RAB20: variants seen among roughly 807,000 people sequenced by gnomAD.
RAB20 encodes the protein ras-related protein Rab-20.
A neutral mutation model predicts 3.7 loss-of-function variants in RAB20; 2 were observed. That is an observed-to-expected ratio of 0.54 (90% CI 0.22 to 1.69). RAB20 has a LOEUF of 1.69. Among genes scored for constraint, RAB20 ranks in the 40% most tolerant of loss-of-function variants. The pLI, the probability that RAB20 is intolerant of heterozygous loss-of-function variation, is 0.19. For missense variants in RAB20, 276 were observed against 311.9 expected, an observed-to-expected ratio of 0.88 and a Z score of 0.87; for synonymous variants, 126 against 130.8, an observed-to-expected ratio of 0.96 and a Z score of 0.25.
At chr13:110,541,970 T>C (rs1371557732) in intron 1 of RAB20, among the ~76,000 whole-genome samples, 1 of 152,156 alleles carries the variant, frequency 6.6e-6, no homozygotes, top group East Asian at 1.9e-4. Flanking sequence ...ACGGAGACAG[T>C]AACCAGTGGC....
chr13:110,524,398 C>T (rs552120724), intron 1 of RAB20, among the ~76,000 whole-genome samples: 1 of 152,328 alleles, frequency 6.6e-6, no homozygotes, highest in African/African-American at 2.4e-5. Flanking sequence ...AGAAAACAAG[C>T]TGTTGGGTGC....
In RAB20 at chr13:110,532,148, C is replaced by A. The variant is rs2479430; in HGVS notation, c.173-7951G>T. 3.8e-3 allele frequency among the ~76,000 whole-genome samples: 585 copies of A among 152,292 alleles called. 3 individuals carry two copies. Among genetic ancestry groups the A allele is most frequent in the African/African-American group, 0.013 (554 of 41,546 alleles). On this transcript the variant is annotated intron_variant, in intron 1 of 1. Transcript: ENST00000267328. ...AAAAATACTGATGCTCAGACCCTGA[C>A]CCAGCTGCCAGGGCAAGAGTGGGGC...
At chr13:110,533,396 G>A (rs986902107) in intron 1 of RAB20, among the ~76,000 whole-genome samples, 23 of 152,244 alleles carry the variant, frequency 1.5e-4, no homozygotes, top group Non-Finnish European at 2.4e-4. Context: ...ATAATGGTGC[G>A]TGGAGGCCAG....
rs376621130 is a variant in RAB20, at chr13:110,525,133, C to T, written c.173-936G>A. 3.9e-4 allele frequency among the ~76,000 whole-genome samples: 60 copies of T among 152,350 alleles called. No homozygotes were observed. In the South Asian group the frequency reaches 0.012, roughly 32 times the overall value. On this transcript the variant is annotated intron_variant, in intron 1 of 1. Coordinates refer to ENST00000267328, the MANE Select transcript of RAB20 (RefSeq NM_017817.3). ...GTGTGGGCATCTGCTCTCCCCGTGCCCCCAGCACTTCAGCCTCACGAGGTC... is the reference window on the plus strand; with the variant it reads ...GTGTGGGCATCTGCTCTCCCCGTGCTCCCAGCACTTCAGCCTCACGAGGTC...
At chr13:110,558,033 C>T (rs1486910122) in intron 1 of RAB20, among the ~76,000 whole-genome samples, 3 of 152,260 alleles carry the variant, frequency 2.0e-5, no homozygotes, top group East Asian at 1.9e-4. Context: ...AGCGGCCAGC[C>T]GGCCTGCTCA....
intron 1 of RAB20, among the ~76,000 whole-genome samples, chr13:110,540,977 T>C (rs761119662): frequency 1.1e-4 from 16 of 152,274 alleles, no homozygotes; most frequent in Non-Finnish European, 1.9e-4. Context: ...GGGAGTTACC[T>C]GGCTGTTGGG....
chr13:110,533,901 G>A lies in RAB20; in HGVS notation c.173-9704C>T, dbSNP rs751190315. 8.7e-4 allele frequency among the ~76,000 whole-genome samples: 133 copies of A among 152,228 alleles called. 1 individual carries two copies. Among genetic ancestry groups the A allele is most frequent in the Non-Finnish European group, 2.5e-4 (17 of 68,036 alleles). Reference sequence around the variant, plus strand: ...ACACACCTGCCCCCACCAGTACGTGGAAAGTGGAGAGCTAGCAGGCAAGGG... The same window carrying A: ...ACACACCTGCCCCCACCAGTACGTGAAAAGTGGAGAGCTAGCAGGCAAGGG... On this transcript the variant is annotated intron_variant, in intron 1 of 1. Transcript: ENST00000267328.
In RAB20 at chr13:110,561,148, T is replaced by G. The variant is rs1282188811; in HGVS notation, c.172+200A>C. Among the ~76,000 whole-genome samples, 49 of 152,194 alleles carry G rather than the reference T, an allele frequency of 3.2e-4. 1 individual carries two copies. The highest frequency in any genetic ancestry group is 3.2e-3 in the Admixed American group (49 of 15,288). ...CCAGCGGGTTCTCTGCAACTTGGGTTGTCCCTGAGGTCACTGAGTGGCTGA... is the reference window on the plus strand; with the variant it reads ...CCAGCGGGTTCTCTGCAACTTGGGTGGTCCCTGAGGTCACTGAGTGGCTGA... On this transcript the variant is annotated intron_variant, in intron 1 of 1. Coordinates refer to ENST00000267328, the MANE Select transcript of RAB20 (RefSeq NM_017817.3).
chr13:110,554,869 C>T (rs762286937), intron 1 of RAB20, among the ~76,000 whole-genome samples: 17 of 152,254 alleles, frequency 1.1e-4, no homozygotes, highest in Non-Finnish European at 1.6e-4. Flanking sequence ...CCTTGCATTT[C>T]GGCTTGGGAG....
At chr13:110,546,937 G>A (rs1023724469) in intron 1 of RAB20, among the ~76,000 whole-genome samples, 4 of 151,960 alleles carry the variant, frequency 2.6e-5, no homozygotes, top group African/African-American at 9.7e-5. Context: ...ACAGGGTCTC[G>A]CTATGTTGCC....
At chr13:110,556,917 G>C (rs552878388) in intron 1 of RAB20, among the ~76,000 whole-genome samples, 1 of 152,344 alleles carries the variant, frequency 6.6e-6, no homozygotes, top group Non-Finnish European at 1.5e-5. Context: ...GAGAGAGGCT[G>C]TCACGAATAT....
chr13:110,560,951 A>G (rs1306133956), intron 1 of RAB20, among the ~76,000 whole-genome samples: 4 of 152,322 alleles, frequency 2.6e-5, no homozygotes, highest in Non-Finnish European at 5.9e-5. Flanking sequence ...GGGGCTAATA[A>G]CACCAGCTCT....
chr13:110,534,294 G>A (rs79775191), intron 1 of RAB20, among the ~76,000 whole-genome samples: 5,135 of 152,264 alleles, frequency 0.034, 176 homozygotes, highest in African/African-American at 0.08. Context: ...TGTTTCTCTG[G>A]GGAAGCCTGG....
At chr13:110,544,707 T>G (rs533128885) in intron 1 of RAB20, among the ~76,000 whole-genome samples, 9 of 152,256 alleles carry the variant, frequency 5.9e-5, no homozygotes. Flanking sequence ...GGAAGACACA[T>G]GGAGAACCAG....
chr13:110,561,482 T>A lies in RAB20; in HGVS notation c.38A>T (p.Asp13Val), dbSNP rs1317092337. The stretch of plus-strand genomic sequence containing the variant: ...CAGCGACGTCTTCCCCACGTTCATG[T>A]CCCCCAGGAGCACGATCTTGCTGTC... ...KPDSKIVLLG[D>V]MNVGKTSLLQ... The change falls in exon 1 of 2, where the codon GAC becomes GTC. Residue 13 changes from aspartate to valine, a missense_variant. Asp to Val is a radical substitution (Grantham distance 152, BLOSUM62 -3). Coordinates refer to ENST00000267328, the MANE Select transcript of RAB20 (RefSeq NM_017817.3). 6.3e-7 allele frequency: 1 copy of A among 1,596,704 alleles called. No homozygotes were observed. The highest frequency in any genetic ancestry group is 1.7e-5 in the Admixed American group (1 of 58,476).
intron 1 of RAB20, among the ~76,000 whole-genome samples, chr13:110,550,995 T>G (rs1884942781): frequency 6.6e-6 from 1 of 152,206 alleles, no homozygotes; most frequent in Admixed American, 6.5e-5. Context: ...CAATGATATT[T>G]CCACACTAAT....
At position 110,523,324 on chromosome 13, in the gene RAB20, G is replaced by A. The variant is rs763421820; in HGVS notation, c.*341C>T. On this transcript the variant is annotated 3_prime_UTR_variant, in exon 2 of 2. Transcript: ENST00000267328. ...AACGGTCAGAGGTGCAGGTGCAGACGCAGGCTTCTGCCTCTGCAAGGGCAA... is the reference window on the plus strand; with the variant it reads ...AACGGTCAGAGGTGCAGGTGCAGACACAGGCTTCTGCCTCTGCAAGGGCAA... 51 of 486,336 alleles carry A rather than the reference G, an allele frequency of 1.0e-4. 1 individual carries two copies. In the South Asian group the frequency reaches 1.4e-3, roughly 14 times the overall value. 30.1% of individuals were successfully genotyped at this position (486,336 alleles called of 1,614,324 possible).
At chr13:110,549,543 T>C (rs1051906838) in intron 1 of RAB20, among the ~76,000 whole-genome samples, 3 of 152,202 alleles carry the variant, frequency 2.0e-5, no homozygotes, top group African/African-American at 4.8e-5. Flanking sequence ...CCTGTCCTCC[T>C]TTCACCTGGC....
At chr13:110,539,359 T>TA (rs1884712303) in intron 1 of RAB20, among the ~76,000 whole-genome samples, 1 of 152,080 alleles carries the variant, frequency 6.6e-6, no homozygotes, top group African/African-American at 2.4e-5. Context: ...GCTTGGCAAA[T>TA]ACTGACCGAC....
Sources: allele counts gnomAD v4.1 joint callset (sites outside exome capture counted in the v4.1 genomes callset), GRCh38; gene constraint gnomAD v4.1.1; transcripts MANE v1.5; gene names NCBI Gene and HGNC (gene_info 2026-07-23, HGNC 2026-07-21).